ATP8B1: variants seen among roughly 807,000 people sequenced by gnomAD.
ATP8B1 encodes the protein phospholipid-transporting ATPase IC.
In ATP8B1, 80 loss-of-function variants were observed where a neutral mutation model predicts 149.9. The observed-to-expected ratio is 0.53, with a 90% CI of 0.45 to 0.64. The LOEUF (loss-of-function observed/expected upper bound fraction) is 0.64. ATP8B1 is among the 30% of genes least tolerant of loss of function. ATP8B1 has a pLI of 0.00. For synonymous variants in ATP8B1, 536 were observed against 562.8 expected (o/e 0.95, Z 0.67); for missense variants, 1,247 against 1,552.6 (o/e 0.80, Z 3.31).
chr18:57,735,429 C>G (rs952525750), intron 1 of ATP8B1: 2 of 154,060 alleles, frequency 1.3e-5, no homozygotes, highest in African/African-American at 2.4e-5. Flanking sequence ...TCTAATAGAG[C>G]TATAACACTC....
chr18:57,676,092 A>G (rs867047576), intron 15 of ATP8B1, among the ~76,000 whole-genome samples: 8 of 152,324 alleles, frequency 5.3e-5, no homozygotes, highest in Middle Eastern at 3.4e-3. Context: ...TTGGTATACA[A>G]TACTAATTTG....
intron 1 of ATP8B1, among the ~76,000 whole-genome samples, chr18:57,782,803 C>CTTTTTTTTTTTTTTTTTTTTTTTTTTT (rs79009229): frequency 1.1e-5 from 1 of 91,158 alleles, no homozygotes; most frequent in African/African-American, 4.9e-5. Flanking sequence ...TAGTTTGTCT[C>CTTTTTTTTTTTTTTTTTTTTTTTTTTT]TTTTTTTTTT....
At chr18:57,733,668 T>G (rs2079813762) in intron 1 of ATP8B1, among the ~76,000 whole-genome samples, 2 of 134,844 alleles carry the variant, frequency 1.5e-5, no homozygotes, top group South Asian at 4.7e-4. Flanking sequence ...ATTGCGCCAC[T>G]GCACTCCAGC....
At chr18:57,696,422 C>T (rs1352674109) in intron 8 of ATP8B1, among the ~76,000 whole-genome samples, 1 of 151,982 alleles carries the variant, frequency 6.6e-6, no homozygotes, top group Non-Finnish European at 1.5e-5. Flanking sequence ...AGCCTCGGGG[C>T]CTTAAAGAGA....
intron 2 of ATP8B1, among the ~76,000 whole-genome samples, chr18:57,707,433 C>T (rs1463952927): frequency 6.6e-6 from 1 of 152,064 alleles, no homozygotes; most frequent in Non-Finnish European, 1.5e-5. Context: ...TGATGAATCC[C>T]CACCAAATTG....
At chr18:57,775,649 T>G (rs1263408738) in intron 1 of ATP8B1, among the ~76,000 whole-genome samples, 7 of 151,138 alleles carry the variant, frequency 4.6e-5, no homozygotes, top group East Asian at 3.9e-4. Flanking sequence ...CATGTTTTTT[T>G]TTTTTTTTTT....
Position 57,646,660 on chromosome 18 carries a change from G to A in ATP8B1, c.*1828C>T, listed in dbSNP as rs1322854627. 1 of 152,456 alleles carries A rather than the reference G, an allele frequency of 6.6e-6. No individual in the cohort carries two copies. Among genetic ancestry groups the A allele is most frequent in the East Asian group, 1.9e-4 (1 of 5,190 alleles). 9.4% of individuals were successfully genotyped at this position (152,456 alleles called of 1,614,324 possible). On this transcript the variant is annotated 3_prime_UTR_variant, in exon 28 of 28. Transcript: ENST00000648908. ...ATCTGAAACTAACAGAATTACACAA[G>A]CTAAGTTTTCTGTAAAAAAAGAAAA... is the stretch of plus-strand genomic sequence containing the variant.
chr18:57,666,880 A>G (rs560845307), intron 20 of ATP8B1, among the ~76,000 whole-genome samples: 25 of 152,280 alleles, frequency 1.6e-4, no homozygotes, highest in African/African-American at 5.8e-4. Context: ...AAGGGCCCCA[A>G]GTTTCCCTAA....
rs1203634859 is a variant in ATP8B1 at position 57,731,795 on chromosome 18, T to C, written c.13A>G (p.Arg5Gly). 7 of 1,613,948 alleles carry C rather than the reference T, an allele frequency of 4.3e-6. No homozygotes were observed. The African/African-American group carries it at 5.3e-5, about 12-fold the overall frequency. Reference sequence around the variant, plus strand: ...TCGTCAAATGTCGTTTCTGAGTCTCTTTCTGTACTCATTCTGCTGGCAAAT... The same window carrying C: ...TCGTCAAATGTCGTTTCTGAGTCTCCTTCTGTACTCATTCTGCTGGCAAAT... MSTE[R>G]DSETTFDEDS... is the part of the protein sequence containing the mutation. Residue 5 changes from arginine to glycine, a missense_variant, in exon 2 of 28, where the codon AGA (arginine) becomes GGA (glycine). By Grantham distance (125) the Arg-to-Gly change is moderately radical. Coordinates refer to ENST00000648908, the MANE Select transcript of ATP8B1 (RefSeq NM_001374385.1).
intron 1 of ATP8B1, among the ~76,000 whole-genome samples, chr18:57,769,661 G>T (rs1010491572): frequency 1.5e-4 from 23 of 152,158 alleles, no homozygotes; most frequent in African/African-American, 5.6e-4. Context: ...GCAAGAAACG[G>T]CCAAAGATGA....
At chr18:57,698,575 T>A (rs1026835868) in intron 6 of ATP8B1, among the ~76,000 whole-genome samples, 3 of 152,122 alleles carry the variant, frequency 2.0e-5, no homozygotes, top group Non-Finnish European at 2.9e-5. Flanking sequence ...CCTCAGGTGA[T>A]CCACCCACCT....
intron 1 of ATP8B1, among the ~76,000 whole-genome samples, chr18:57,758,002 T>C (rs2080101837): frequency 6.6e-6 from 1 of 152,046 alleles, no homozygotes; most frequent in Non-Finnish European, 1.5e-5. Flanking sequence ...TATATACTTA[T>C]ATTTAAATAT....
At chr18:57,692,904 A>G (rs567067914) in intron 11 of ATP8B1, among the ~76,000 whole-genome samples, 1 of 152,352 alleles carries the variant, frequency 6.6e-6, no homozygotes, top group East Asian at 1.9e-4. Context: ...TAAAAAGTCA[A>G]CCATCCTAGT....
At chr18:57,798,419 A>AAAG (rs2080539558) in intron 1 of ATP8B1, among the ~76,000 whole-genome samples, 1 of 151,494 alleles carries the variant, frequency 6.6e-6, no homozygotes, top group African/African-American at 2.4e-5. Context: ...CTACAAAAAA[A>AAAG]AAAATAGAAA....
intron 2 of ATP8B1, among the ~76,000 whole-genome samples, chr18:57,730,042 C>A (rs2079745319): frequency 6.6e-6 from 1 of 152,118 alleles, no homozygotes; most frequent in African/African-American, 2.4e-5. Flanking sequence ...GGCCTCCCCA[C>A]ATTTGGGTGA....
At chr18:57,713,624 G>A (rs1370956730) in intron 2 of ATP8B1, among the ~76,000 whole-genome samples, 1 of 151,588 alleles carries the variant, frequency 6.6e-6, no homozygotes, top group African/African-American at 2.4e-5. Flanking sequence ...CCGAGTAGCT[G>A]GGATTAGAGG....
chr18:57,789,697 C>A lies in ATP8B1; in HGVS notation c.-26+13301G>T, dbSNP rs148673307. Among the ~76,000 whole-genome samples, 405 of 152,302 alleles carry A rather than the reference C, an allele frequency of 2.7e-3. 1 individual carries two copies. Among genetic ancestry groups the A allele is most frequent in the African/African-American group, 9.5e-3 (393 of 41,558 alleles). On this transcript the variant is annotated intron_variant, in intron 1 of 27. Coordinates refer to ENST00000648908, the MANE Select transcript of ATP8B1 (RefSeq NM_001374385.1). Reference sequence around the variant, plus strand: ...ATGGTGGTCTTGTCCACTAGGCAACCCTGTATCAGCCCTCCACCCTGTCAT... The same window carrying A: ...ATGGTGGTCTTGTCCACTAGGCAACACTGTATCAGCCCTCCACCCTGTCAT...
intron 1 of ATP8B1, among the ~76,000 whole-genome samples, chr18:57,783,683 A>G (rs1262957136): frequency 6.6e-6 from 1 of 152,078 alleles, no homozygotes; most frequent in Non-Finnish European, 1.5e-5. Flanking sequence ...TAAAAATACA[A>G]AAATTAGCCA....
chr18:57,735,190 C>A lies in ATP8B1; in HGVS notation c.-25-3358G>T. 1.8e-5 allele frequency: 3 copies of A among 164,546 alleles called. No homozygotes were observed. In the South Asian group the frequency reaches 5.1e-4, roughly 28 times the overall value. 10.2% of individuals were successfully genotyped at this position (164,546 alleles called of 1,614,324 possible). ...TTACCGCTAGAACTGAGCTTTCGCTCGCCGTCCACCACTGCTGTTTTGCTG... is the reference window on the plus strand; with the variant it reads ...TTACCGCTAGAACTGAGCTTTCGCTAGCCGTCCACCACTGCTGTTTTGCTG... On this transcript the variant is annotated intron_variant, in intron 1 of 27. Coordinates refer to ENST00000648908, the MANE Select transcript of ATP8B1 (RefSeq NM_001374385.1).
Sources: gnomAD v4.1 joint callset for allele counts (sites outside exome capture counted in the v4.1 genomes callset) on GRCh38, gnomAD v4.1.1 for gene constraint, MANE v1.5 for transcripts, NCBI Gene and HGNC (gene_info 2026-07-23, HGNC 2026-07-21) for gene names.